The following KDM1A variants were observed in gnomAD, a reference collection of about 807,000 sequenced individuals.
KDM1A encodes lysine demethylase 1A.
A neutral mutation model predicts 109.4 loss-of-function variants in KDM1A; 49 were observed. The ratio of observed to expected loss-of-function variants is 0.45; its 90% CI spans 0.36 to 0.57. The LOEUF (loss-of-function observed/expected upper bound fraction) is 0.57, where lower values mean the gene tolerates loss of function less well. KDM1A is among the 20% of genes least tolerant of loss of function. The pLI is 0.00. For synonymous variants in KDM1A, 380 were observed against 415.4 expected, an observed-to-expected ratio of 0.91 and a Z score of 1.04; for missense variants, 668 against 1,116.6, an observed-to-expected ratio of 0.60 and a Z score of 5.73.
intron 2 of KDM1A, among the ~76,000 whole-genome samples, chr1:23,033,898 G>A (rs564510915): frequency 9.2e-5 from 14 of 152,322 alleles, no homozygotes; most frequent in African/African-American, 2.6e-4. Flanking sequence ...CATGCTAAGC[G>A]TGAACTAAAG....
chr1:23,024,347 A>T (rs146126440), intron 1 of KDM1A, among the ~76,000 whole-genome samples: 93 of 152,324 alleles, frequency 6.1e-4, no homozygotes, highest in African/African-American at 2.0e-3. Context: ...AGGATAGAGT[A>T]TCCATTTAAG....
intron 1 of KDM1A, among the ~76,000 whole-genome samples, chr1:23,021,525 G>A (rs958592539): frequency 1.4e-4 from 21 of 152,082 alleles, no homozygotes; most frequent in African/African-American, 4.6e-4. Flanking sequence ...TTAGCCGGGC[G>A]TGGTGGCGGG....
intron 2 of KDM1A, among the ~76,000 whole-genome samples, chr1:23,040,227 C>G (rs1056993073): frequency 3.9e-5 from 6 of 152,162 alleles, no homozygotes; most frequent in African/African-American, 1.4e-4. Flanking sequence ...AACAACCAAC[C>G]AGTGATTTTC....
rs188091454 is a variant in KDM1A, at chr1:23,071,391, A to C, written c.1548+32A>C. The C allele has an allele frequency of 1.3e-5, 20 of 1,563,318 alleles. No individual in the cohort carries two copies. The African/African-American group carries it at 2.3e-4, about 18-fold the overall frequency. On this transcript the variant is annotated intron_variant, in intron 13 of 20. Coordinates refer to ENST00000400181, the MANE Select transcript of KDM1A (RefSeq NM_001009999.3). ...TATACATACATGCCTAACTGGTTTT[A>C]CTTGGAATCCTAAGAAATAGCACAG...
At chr1:23,030,287 G>T (rs925465811) in intron 1 of KDM1A, among the ~76,000 whole-genome samples, 182 bp from the exon 2 acceptor site, 2 of 152,210 alleles carry the variant, frequency 1.3e-5, no homozygotes, top group African/African-American at 4.8e-5. Context: ...ACTGACACAA[G>T]ATTGTTTCAT....
At chr1:23,042,516 G>C (rs1642377119) in intron 2 of KDM1A, among the ~76,000 whole-genome samples, 2 of 131,266 alleles carry the variant, frequency 1.5e-5, no homozygotes, top group South Asian at 5.0e-4. Flanking sequence ...GCAGTGGCGG[G>C]ATCTCGGCTC....
At chr1:23,055,312 TAAATA>T (rs1277177376) in intron 6 of KDM1A, 151 bp downstream of exon 6, 3 of 365,488 alleles carry the variant, frequency 8.2e-6, no homozygotes, top group African/African-American at 6.3e-5. Context: ...AAAGTCAAGT[TAAATA>T]TAATAAATAA....
At chr1:23,031,226 C>G (rs186191321) in intron 2 of KDM1A, among the ~76,000 whole-genome samples, 22 of 152,284 alleles carry the variant, frequency 1.4e-4, no homozygotes, top group African/African-American at 4.8e-4. Flanking sequence ...AACATCCCCT[C>G]AATGCTGAGT....
At chr1:23,047,346 A>T (rs598197) in intron 3 of KDM1A, among the ~76,000 whole-genome samples, 1 of 152,150 alleles carries the variant, frequency 6.6e-6, no homozygotes, top group Non-Finnish European at 1.5e-5. Flanking sequence ...ACCATTTTTC[A>T]TTTTTAAAAA....
At chr1:23,050,298 G>A in intron 3 of KDM1A, 89 bp from the exon 4 acceptor site, 3 of 1,392,886 alleles carry the variant, frequency 2.2e-6, no homozygotes, top group Non-Finnish European at 2.8e-6. Context: ...AGGTCAGTCT[G>A]TGAGTGAGGC....
chr1:23,074,103 C>T (rs1210321230), intron 15 of KDM1A, among the ~76,000 whole-genome samples: 2 of 152,186 alleles, frequency 1.3e-5, no homozygotes, highest in Non-Finnish European at 2.9e-5. Flanking sequence ...TCCATTTTCT[C>T]CAAATCCTCA....
chr1:23,057,889 C>T (rs966558518), intron 8 of KDM1A: 7 of 168,498 alleles, frequency 4.2e-5, no homozygotes, highest in African/African-American at 1.0e-4. Flanking sequence ...CTGCAGTCTC[C>T]TCCCTCAGCC....
At chr1:23,057,623 T>G (rs1642869963) in intron 8 of KDM1A, 58 bp downstream of exon 8, 2 of 1,296,300 alleles carry the variant, frequency 1.5e-6, no homozygotes, top group Non-Finnish European at 1.1e-6. Context: ...TAAAAGAAAT[T>G]TAAAGCCAGA....
At chr1:23,057,799 GCT>G (rs1642877247) in intron 8 of KDM1A, 1 of 135,460 alleles carries the variant, frequency 7.4e-6, no homozygotes, top group South Asian at 1.1e-4. Context: ...TGTGTTTGAA[GCT>G]TTTTTTTTTT....
intron 3 of KDM1A, 67 bp downstream of exon 3, chr1:23,044,553 A>T: frequency 7.1e-7 from 1 of 1,406,480 alleles, no homozygotes; most frequent in South Asian, 1.4e-5. Flanking sequence ...GATGCTTGCA[A>T]GTGTTTTTGG....
intron 13 of KDM1A, 104 bp downstream of exon 13, chr1:23,071,463 C>T: frequency 9.0e-7 from 1 of 1,116,948 alleles, no homozygotes; most frequent in Admixed American, 2.6e-5. Flanking sequence ...TCACAAGTGC[C>T]TTCAGTGCAA....
chr1:23,038,253 T>TG (rs1642206916), intron 2 of KDM1A, among the ~76,000 whole-genome samples: 3 of 64,982 alleles, frequency 4.6e-5, no homozygotes, highest in African/African-American at 1.3e-4. Flanking sequence ...TCTGGAACTG[T>TG]TTGTGTGTGT....
At chr1:23,022,153 T>G (rs1489992038) in intron 1 of KDM1A, among the ~76,000 whole-genome samples, 1 of 152,218 alleles carries the variant, frequency 6.6e-6, no homozygotes, top group Non-Finnish European at 1.5e-5. Flanking sequence ...GTTTATTTTG[T>G]GAATATGTTT....
chr1:23,028,717 G>C (rs554818837), intron 1 of KDM1A, among the ~76,000 whole-genome samples: 15 of 151,162 alleles, frequency 9.9e-5, no homozygotes, highest in African/African-American at 3.6e-4. Flanking sequence ...TTTTCTCCTT[G>C]CTGCATTTTC....
Sources: gnomAD v4.1 joint callset for allele counts (sites outside exome capture counted in the v4.1 genomes callset) on GRCh38, gnomAD v4.1.1 for gene constraint, MANE v1.5 for transcripts, NCBI Gene and HGNC (gene_info 2026-07-23, HGNC 2026-07-21) for gene names.